Variants in PLEKHA5 observed in about 807,000 individuals in gnomAD.
The protein encoded by PLEKHA5 is pleckstrin homology domain containing A5.
Under a neutral mutation model 181.9 loss-of-function variants are expected in PLEKHA5, and 55 were observed. That is an observed-to-expected ratio of 0.30 (90% CI 0.24 to 0.38). The LOEUF (loss-of-function observed/expected upper bound fraction) is 0.38, where lower values mean the gene tolerates loss of function less well. Among genes scored for constraint, PLEKHA5 ranks in the 10% least tolerant of loss-of-function variants. PLEKHA5 has a pLI of 1.00. For synonymous variants in PLEKHA5, 535 were observed against 529.4 expected, an observed-to-expected ratio of 1.01 and a Z score of -0.15; for missense variants, 1,432 against 1,549.5, an observed-to-expected ratio of 0.92 and a Z score of 1.27.
chr12:19,216,431 G>T (rs1231978320), intron 3 of PLEKHA5, among the ~76,000 whole-genome samples: 1 of 152,166 alleles, frequency 6.6e-6, no homozygotes, highest in Non-Finnish European at 1.5e-5. Flanking sequence ...AGGAGGCCAA[G>T]GTGGGCAGAT....
chr12:19,362,018 T>C (rs1478775174), intron 29 of PLEKHA5, among the ~76,000 whole-genome samples: 1 of 149,374 alleles, frequency 6.7e-6, no homozygotes, highest in African/African-American at 2.5e-5. Flanking sequence ...AAAAAAAAAT[T>C]AGCCAGGCAT....
At chr12:19,343,479 C>A in intron 22 of PLEKHA5, 45 bp downstream of exon 22, 1 of 1,069,114 alleles carries the variant, frequency 9.4e-7, no homozygotes, top group Non-Finnish European at 1.5e-6. Context: ...CACAGTATTA[C>A]AGTCATGTGT....
intron 3 of PLEKHA5, among the ~76,000 whole-genome samples, chr12:19,237,422 T>A (rs1210309580): frequency 3.3e-5 from 5 of 152,098 alleles, no homozygotes; most frequent in African/African-American, 1.2e-4. Flanking sequence ...GATGCTTGAT[T>A]TGCCCCTAGA....
intron 16 of PLEKHA5, among the ~76,000 whole-genome samples, chr12:19,317,899 G>A (rs933582529): frequency 7.4e-6 from 1 of 135,986 alleles, no homozygotes; most frequent in African/African-American, 2.8e-5. Flanking sequence ...AAGGTACTTC[G>A]AATGAAGTAT....
At chr12:19,322,998 A>G (rs1386973787) in intron 20 of PLEKHA5, among the ~76,000 whole-genome samples, 1 of 143,444 alleles carries the variant, frequency 7.0e-6, no homozygotes, top group Non-Finnish European at 1.5e-5. Flanking sequence ...ACAGGCTGGC[A>G]CTACTACACC....
intron 3 of PLEKHA5, among the ~76,000 whole-genome samples, chr12:19,167,831 C>G (rs2151605908): frequency 6.6e-6 from 1 of 152,200 alleles, no homozygotes; most frequent in Non-Finnish European, 1.5e-5. Flanking sequence ...GGGAAAGTGA[C>G]ACACCACTTG....
At chr12:19,193,734 A>C (rs1026957638) in intron 3 of PLEKHA5, among the ~76,000 whole-genome samples, 17 of 152,146 alleles carry the variant, frequency 1.1e-4, no homozygotes, top group African/African-American at 3.6e-4. Context: ...GCTATAAAGA[A>C]ATATCTGAGG....
chr12:19,224,332 G>A (rs2059395813), intron 3 of PLEKHA5, among the ~76,000 whole-genome samples: 1 of 152,126 alleles, frequency 6.6e-6, no homozygotes, highest in Non-Finnish European at 1.5e-5. Context: ...ATGAGATCCA[G>A]GAATGATGAA....
At chr12:19,369,250 G>A (rs1018589851) in intron 30 of PLEKHA5, among the ~76,000 whole-genome samples, 4 of 151,352 alleles carry the variant, frequency 2.6e-5, no homozygotes, top group Non-Finnish European at 5.9e-5. Flanking sequence ...GGCCTGGCTG[G>A]TCTCGAACTC....
At chr12:19,294,621 C>A (rs561883480) in intron 15 of PLEKHA5, among the ~76,000 whole-genome samples, 4 of 152,220 alleles carry the variant, frequency 2.6e-5, no homozygotes, top group Admixed American at 6.5e-5. Flanking sequence ...TGAGGTATTA[C>A]AATAATCAAA....
intron 3 of PLEKHA5, among the ~76,000 whole-genome samples, chr12:19,249,546 A>G (rs1368677810): frequency 4.6e-5 from 7 of 152,192 alleles, no homozygotes. Flanking sequence ...CAATTGACTG[A>G]GGGTAACTGA....
At chr12:19,286,275 G>A (rs2077192048) in intron 12 of PLEKHA5, among the ~76,000 whole-genome samples, 2 of 152,134 alleles carry the variant, frequency 1.3e-5, no homozygotes, top group South Asian at 2.1e-4. Context: ...TTCATTTAAA[G>A]TACAAATAGA....
chr12:19,342,268 A>G lies in PLEKHA5; in HGVS notation c.2551-1055A>G, dbSNP rs114995020. 5.4e-3 allele frequency among the ~76,000 whole-genome samples: 826 copies of G among 152,310 alleles called. 4 individuals carry two copies. Among genetic ancestry groups the G allele is most frequent in the African/African-American group, 0.019 (796 of 41,562 alleles). The stretch of plus-strand genomic sequence containing the variant: ...ATTACCCTATTTATGAATAAGAGTC[A>G]TAGATTTCTAATAGAATCTCAGAGA... On this transcript the variant is annotated intron_variant, in intron 21 of 31. Transcript: ENST00000429027.
At chr12:19,359,341 A>C in intron 27 of PLEKHA5, 71 bp from the exon 28 acceptor site, 2 of 1,336,098 alleles carry the variant, frequency 1.5e-6, no homozygotes, top group Admixed American at 2.1e-5. Flanking sequence ...TTGAGAATTA[A>C]CAGGCACTAT....
chr12:19,260,571 A>C (rs186074997), intron 6 of PLEKHA5, among the ~76,000 whole-genome samples: 16 of 152,248 alleles, frequency 1.1e-4, no homozygotes, highest in Non-Finnish European at 5.9e-5. Context: ...AAATAAATGC[A>C]CAAGGCCAGG....
intron 15 of PLEKHA5, 117 bp from the exon 16 acceptor site, chr12:19,314,697 A>G: frequency 1.4e-6 from 1 of 694,524 alleles, no homozygotes; most frequent in South Asian, 1.5e-5. Context: ...GGTAAAATGT[A>G]AACAACTGCA....
At chr12:19,197,954 TG>T (rs1204913898) in intron 3 of PLEKHA5, among the ~76,000 whole-genome samples, 1 of 152,070 alleles carries the variant, frequency 6.6e-6, no homozygotes, top group East Asian at 1.9e-4. Context: ...CTGTCATCAG[TG>T]AGCCCTGTTG....
At chr12:19,134,593 A>T (rs1362861556) in intron 3 of PLEKHA5, among the ~76,000 whole-genome samples, 1 of 152,102 alleles carries the variant, frequency 6.6e-6, no homozygotes, top group Non-Finnish European at 1.5e-5. Context: ...TTAAATCCCT[A>T]ATGTGCACTG....
chr12:19,272,168 A>G lies in PLEKHA5; in HGVS notation c.845+1963A>G, dbSNP rs558836946. On this transcript the variant is annotated intron_variant, in intron 10 of 31. Coordinates refer to ENST00000429027, the MANE Select transcript of PLEKHA5 (RefSeq NM_001256470.2). ...TGCAGATCATTGATGGCCCAAAGAAAAAAAAATCTAAGTATAATATGGATT... is the reference window on the plus strand; with the variant it reads ...TGCAGATCATTGATGGCCCAAAGAAGAAAAAATCTAAGTATAATATGGATT... Among the ~76,000 whole-genome samples the G allele has an allele frequency of 2.2e-4, 33 of 152,322 alleles. 1 individual carries two copies. Among genetic ancestry groups the G allele is most frequent in the African/African-American group, 6.7e-4 (28 of 41,566 alleles).
Sources: gnomAD v4.1 joint callset for allele counts (sites outside exome capture counted in the v4.1 genomes callset) on GRCh38, gnomAD v4.1.1 for gene constraint, MANE v1.5 for transcripts, NCBI Gene and HGNC (gene_info 2026-07-23, HGNC 2026-07-21) for gene names.